Variants in ZNF350 observed in about 807,000 individuals in gnomAD.
ZNF350 encodes the protein zinc finger protein 350, also known as KRAB zinc finger protein ZFQR.
Under a neutral mutation model 13.1 loss-of-function variants are expected in ZNF350, and 5 were observed. The ratio of observed to expected loss-of-function variants is 0.38; its 90% CI spans 0.20 to 0.80. ZNF350 has a LOEUF of 0.80. ZNF350 is among the 30% of genes least tolerant of loss of function. The pLI, the probability that ZNF350 is intolerant of heterozygous loss-of-function variation, is 0.43. For missense variants in ZNF350, 534 were observed against 644.2 expected, an observed-to-expected ratio of 0.83 and a Z score of 1.85; for synonymous variants, 199 against 224.2, an observed-to-expected ratio of 0.89 and a Z score of 1.00.
chr19:51,973,841 A>T (rs1345153639), intron 2 of ZNF350: 1 of 156,620 alleles, frequency 6.4e-6, no homozygotes, highest in East Asian at 1.9e-4. Flanking sequence ...CCGTAACAGT[A>T]TATAAGGAGT....
At chr19:51,978,924 G>A (rs879270251) in intron 1 of ZNF350, among the ~76,000 whole-genome samples, 3 of 152,184 alleles carry the variant, frequency 2.0e-5, no homozygotes, top group Admixed American at 6.5e-5. Flanking sequence ...GGAAAGGCCC[G>A]GTAGATTTAC....
intron 4 of ZNF350, among the ~76,000 whole-genome samples, chr19:51,966,662 T>C (rs2085587686): frequency 6.6e-6 from 1 of 151,534 alleles, no homozygotes; most frequent in Non-Finnish European, 1.5e-5. Context: ...TTTTTTGTTT[T>C]TTGGGGACGG....
At chr19:51,981,148 A>C (rs2086025780) in intron 1 of ZNF350, 1 of 152,210 alleles carries the variant, frequency 6.6e-6, no homozygotes, top group Non-Finnish European at 1.5e-5. Flanking sequence ...CTGCCAACAT[A>C]AGGTTTGCTG....
At chr19:51,968,495 C>T in intron 4 of ZNF350, 83 bp downstream of exon 4, 1 of 1,224,686 alleles carries the variant, frequency 8.2e-7, no homozygotes, top group South Asian at 1.2e-5. Flanking sequence ...TACATATCCT[C>T]AAACCCCCTT....
In ZNF350 at chr19:51,965,567, CACA is replaced by C; in HGVS notation, c.883_885del (p.Cys295del). 1 of 1,614,078 alleles carries C rather than the reference CACA, an allele frequency of 6.2e-7. No homozygotes were observed. The highest frequency in any genetic ancestry group is 8.5e-7 in the Non-Finnish European group (1 of 1,180,030). ...TTTCCTTTCTGGATGAAGCCTTTTCCACATTCACTGCATATATAGGGTTTCTCT... is the reference window on the plus strand; with the variant it reads ...TTTCCTTTCTGGATGAAGCCTTTTCCTTCACTGCATATATAGGGTTTCTCT... On this transcript the variant is annotated inframe_deletion, in exon 5 of 5. Transcript: ENST00000243644.
rs765465404 is a variant in ZNF350 at position 51,965,452 on chromosome 19, A to C, written c.1001T>G (p.Ile334Arg). The change falls in exon 5 of 5, where the codon ATA becomes AGA. Residue 334 changes from isoleucine to arginine, a missense_variant. Physicochemically the swap from Ile to Arg is moderately conservative, Grantham distance 97. Transcript: ENST00000243644. The stretch of plus-strand genomic sequence containing the variant: ...TCCTGTGTGAAATCTCTGATGTGCT[A>C]TGAGACACGTCTTCTGAATGAAGCC... ...GKGFIQKTCL[I>R]AHQRFHTGKT... is the part of the protein sequence containing the mutation. The C allele has an allele frequency of 1.2e-6, 2 of 1,613,946 alleles. No individual in the cohort carries two copies. Among genetic ancestry groups the C allele is most frequent in the Non-Finnish European group, 1.7e-6 (2 of 1,180,016 alleles).
Position 51,985,423 on chromosome 19 carries a change from A to C in ZNF350, c.-172+1347T>G, listed in dbSNP as rs2086141033. On this transcript the variant is annotated intron_variant, in intron 1 of 4. Transcript: ENST00000243644. ...GCGATATCATCACGAACATGGAAAAAGAGATTCAAGAAATTACATATTTAA... is the reference window on the plus strand; with the variant it reads ...GCGATATCATCACGAACATGGAAAACGAGATTCAAGAAATTACATATTTAA... Among the ~76,000 whole-genome samples the C allele has an allele frequency of 2.0e-5, 3 of 152,260 alleles. No individual in the cohort carries two copies. In the South Asian group the frequency reaches 6.2e-4, roughly 31 times the overall value.
Position 51,965,425 on chromosome 19 carries a change from T to C in ZNF350, c.1028A>G (p.Lys343Arg). Residue 343 changes from lysine to arginine, a missense_variant, in exon 5 of 5, where the codon AAG becomes AGG. Lys to Arg is a conservative substitution (Grantham distance 26, BLOSUM62 2). Coordinates refer to ENST00000243644, the MANE Select transcript of ZNF350 (RefSeq NM_021632.4). ...ACATTCACTGCACACAAAGGGCGTC[T>C]TTCCTGTGTGAAATCTCTGATGTGC... Reference protein sequence around the residue: ...LIAHQRFHTGKTPFVCSECGK... With the variant: ...LIAHQRFHTGRTPFVCSECGK... 6.2e-7 allele frequency: 1 copy of C among 1,614,214 alleles called. No individual in the cohort carries two copies. The highest frequency in any genetic ancestry group is 8.5e-7 in the Non-Finnish European group (1 of 1,180,036).
intron 1 of ZNF350, among the ~76,000 whole-genome samples, chr19:51,978,376 C>T (rs956954171): frequency 8.5e-5 from 13 of 152,180 alleles, no homozygotes; most frequent in Admixed American, 7.2e-4. Flanking sequence ...CCTTAACTTG[C>T]AAGGCATCAC....
chr19:51,980,333 T>C (rs1296553117), intron 1 of ZNF350, among the ~76,000 whole-genome samples: 1 of 152,246 alleles, frequency 6.6e-6, no homozygotes, highest in African/African-American at 2.4e-5. Context: ...ACACTTCTTC[T>C]AACTCAGCTT....
At chr19:51,973,842 T>C (rs2085812245) in intron 2 of ZNF350, 2 of 156,558 alleles carry the variant, frequency 1.3e-5, no homozygotes, top group Admixed American at 1.2e-4. Context: ...CGTAACAGTA[T>C]ATAAGGAGTC....
intron 3 of ZNF350, 124 bp from the exon 4 acceptor site, chr19:51,968,797 T>G: frequency 7.1e-7 from 1 of 1,401,382 alleles, no homozygotes. Flanking sequence ...GTTTCTTATC[T>G]GAAACTATGA....
chr19:51,965,237 CG>C lies in ZNF350; in HGVS notation c.1215del (p.Asn405LysfsTer69). ...ATATACGCAAACGCTTTCCCACACT[CG>C]TTACAGCCATAGGGTCTCTCTCCTG... ...THTGERPYGC[N>X]ECGKAFAYMS... is the part of the protein sequence containing the mutation. On this transcript the variant is annotated frameshift_variant, in exon 5 of 5. Coordinates refer to ENST00000243644, the MANE Select transcript of ZNF350 (RefSeq NM_021632.4). LOFTEE classifies it low-confidence loss of function (END_TRUNC). 1 of 1,614,200 alleles carries C rather than the reference CG, an allele frequency of 6.2e-7. No individual in the cohort carries two copies. Among genetic ancestry groups the C allele is most frequent in the South Asian group, 1.1e-5 (1 of 91,086 alleles).
In ZNF350 at chr19:51,964,643, TTAC is replaced by T. The variant is rs1188161147; in HGVS notation, c.*208_*210del. The T allele has an allele frequency of 1.8e-6, 1 of 559,162 alleles. No individual in the cohort carries two copies. The highest frequency in any genetic ancestry group is 3.1e-6 in the Non-Finnish European group (1 of 324,156). The allele number at this position is 559,162 out of a possible 1,614,324, so 34.6% of individuals were successfully genotyped here. A position where few individuals can be genotyped will look rare whatever the true frequency, so the allele number is the denominator to read the frequency against. ...CCACTTAAAAGTACTTGGGCTTCCT[TTAC>T]TCATTTAATTGACACAGTCGAGCAA... On this transcript the variant is annotated 3_prime_UTR_variant, in exon 5 of 5. Coordinates refer to ENST00000243644, the MANE Select transcript of ZNF350 (RefSeq NM_021632.4).
intron 1 of ZNF350, among the ~76,000 whole-genome samples, chr19:51,977,571 C>T (rs751306442): frequency 2.6e-5 from 4 of 152,160 alleles, no homozygotes; most frequent in South Asian, 2.1e-4. Context: ...CCGCTAAATG[C>T]GCCTGGGCCA....
chr19:51,964,891 A>G lies in ZNF350; in HGVS notation c.1562T>C (p.Ile521Thr), dbSNP rs748144601. ...TGTAACATAAAATAAGACATAATTG[A>G]TCACGGAAGGCACAACCACATTCAC... Reference protein sequence around the residue: ...NAVNVVVPSVINYVLFYVTEN... With the variant: ...NAVNVVVPSVTNYVLFYVTEN... The change falls in exon 5 of 5, where the codon ATC (isoleucine) becomes ACC (threonine). Residue 521 changes from isoleucine (I) to threonine (T), a missense_variant. Physicochemically the swap from Ile to Thr is moderately conservative, Grantham distance 89 (BLOSUM62 -1). Coordinates refer to ENST00000243644, the MANE Select transcript of ZNF350 (RefSeq NM_021632.4). The G allele has an allele frequency of 3.2e-5, 51 of 1,612,812 alleles. No individual in the cohort carries two copies. The highest frequency in any genetic ancestry group is 4.2e-5 in the Non-Finnish European group (50 of 1,179,050).
At chr19:51,974,727 C>G (rs11668463) in intron 1 of ZNF350, 196 bp from the exon 2 acceptor site, 36,640 of 173,144 alleles carry the variant, frequency 0.21, 4,277 homozygotes, top group African/African-American at 0.31. Flanking sequence ...GTATGCCTTT[C>G]CTCTGTGACG....
chr19:51,968,157 GGA>G (rs1406616671), intron 4 of ZNF350, among the ~76,000 whole-genome samples: 1 of 152,126 alleles, frequency 6.6e-6, no homozygotes, highest in African/African-American at 2.4e-5. Context: ...CCATCACAGG[GGA>G]GGTGTTAGGA....
intron 2 of ZNF350, among the ~76,000 whole-genome samples, chr19:51,971,324 T>G (rs1040204404): frequency 3.9e-5 from 6 of 152,200 alleles, no homozygotes; most frequent in Non-Finnish European, 7.3e-5. Flanking sequence ...CAATCCACAC[T>G]CAAAAATAGT....
Sources: allele counts gnomAD v4.1 joint callset (sites outside exome capture counted in the v4.1 genomes callset), GRCh38; gene constraint gnomAD v4.1.1; transcripts MANE v1.5; gene names NCBI Gene and HGNC (gene_info 2026-07-23, HGNC 2026-07-21).